PCDHGB3: variants seen among roughly 807,000 people sequenced by gnomAD.
PCDHGB3 encodes the protein protocadherin gamma subfamily B, 3.
In PCDHGB3, 40 loss-of-function variants were observed where a neutral mutation model predicts 59.2. The observed-to-expected ratio is 0.68, with a 90% CI of 0.52 to 0.88. The LOEUF (loss-of-function observed/expected upper bound fraction) is 0.88. PCDHGB3 is among the 40% of genes least tolerant of loss of function. The probability of loss-of-function intolerance (pLI) is 0.00; values close to 1 mark genes in which losing one functional copy is unlikely to be tolerated. For missense variants in PCDHGB3, 1,309 were observed against 1,187.9 expected (o/e 1.10, Z -1.50); for synonymous variants, 581 against 503.6 (o/e 1.15, Z -2.06).
chr5:141,423,236 C>G, intron 1 of PCDHGB3: 1 of 1,613,920 alleles, frequency 6.2e-7, no homozygotes, highest in Non-Finnish European at 8.5e-7. Flanking sequence ...GACAGCATCC[C>G]CGAAGTCCTG....
chr5:141,390,144 G>A, intron 1 of PCDHGB3: 1 of 1,614,036 alleles, frequency 6.2e-7, no homozygotes, highest in South Asian at 1.1e-5. Context: ...CAATCTATGT[G>A]TTGCACATAC....
chr5:141,382,789 T>A, intron 1 of PCDHGB3: 1 of 924,650 alleles, frequency 1.1e-6, no homozygotes, highest in Non-Finnish European at 1.6e-6. Flanking sequence ...CAAGCCTCTA[T>A]CCTGCTGGAT....
At chr5:141,465,504 G>T (rs2099104593) in intron 1 of PCDHGB3, among the ~76,000 whole-genome samples, 2 of 152,152 alleles carry the variant, frequency 1.3e-5, no homozygotes. Context: ...GCATTGTCGT[G>T]GTCAGGAAGG....
rs754268147 is a variant in PCDHGB3, at chr5:141,410,352, G to C, written c.2415+37543G>C. ...CTGGCCATTGCCTTGCGCCTGCGAC[G>C]CTCTCTCAGCCCTGCTACTTGGGAC... On this transcript the variant is annotated intron_variant, in intron 1 of 3. Coordinates refer to ENST00000576222, the MANE Select transcript of PCDHGB3 (RefSeq NM_018924.5). The C allele has an allele frequency of 6.2e-6, 10 of 1,614,022 alleles. No homozygotes were observed. In the South Asian group the frequency reaches 1.1e-4, roughly 18 times the overall value.
rs61612330 is a variant in PCDHGB3, at chr5:141,454,796, A to ATTTTTTTTTTTTTTTTT, written c.2416-39998_2416-39982dup. Among the ~76,000 whole-genome samples the ATTTTTTTTTTTTTTTTT allele has an allele frequency of 1.9e-3, 147 of 77,454 alleles. 11 individuals carry two copies. Among genetic ancestry groups the ATTTTTTTTTTTTTTTTT allele is most frequent in the Middle Eastern group, 0.017 (2 of 120 alleles). 50.8% of individuals were successfully genotyped at this position (77,454 alleles called of 152,430 possible). ...AAGGAAATAATCCTCCATGGTTCTA[A>ATTTTTTTTTTTTTTTTT]TTTTTTTTTTTTTTTTTTTTTTTTT... On this transcript the variant is annotated intron_variant, in intron 1 of 3. Coordinates refer to ENST00000576222, the MANE Select transcript of PCDHGB3 (RefSeq NM_018924.5).
chr5:141,422,061 A>G (rs1215523341), intron 1 of PCDHGB3: 3 of 1,612,074 alleles, frequency 1.9e-6, no homozygotes, highest in Non-Finnish European at 2.5e-6. Flanking sequence ...ACGGGGAAGT[A>G]ATGTATTCAT....
intron 1 of PCDHGB3, among the ~76,000 whole-genome samples, chr5:141,482,188 G>C (rs1178289472): frequency 2.6e-5 from 4 of 152,122 alleles, no homozygotes; most frequent in African/African-American, 9.7e-5. Context: ...CGATGCTCCA[G>C]TTCTAGTAAA....
At chr5:141,394,584 G>A in intron 1 of PCDHGB3, 1 of 1,613,902 alleles carries the variant, frequency 6.2e-7, no homozygotes. Context: ...GGTGACCAAG[G>A]TGGTGGCGGT....
chr5:141,432,575 T>TACC lies in PCDHGB3; in HGVS notation c.2415+59767_2415+59769dup, dbSNP rs1044250629. 6.2e-7 allele frequency: 1 copy of TACC among 1,613,326 alleles called. No individual in the cohort carries two copies. The highest frequency in any genetic ancestry group is 1.3e-5 in the African/African-American group (1 of 74,718). ...CTCCGGCCAGAACGCCTGGCTGTCC[T>TACC]ACCGTCTGCTCAAGGCCAGCGAGCC... On this transcript the variant is annotated intron_variant, in intron 1 of 3. Transcript: ENST00000576222. This position sits in a 1 kb window ranked among gnomAD's most constrained non-coding sequence, Gnocchi z 6.0.
At chr5:141,406,011 G>A (rs1380278745) in intron 1 of PCDHGB3, among the ~76,000 whole-genome samples, 7 of 151,702 alleles carry the variant, frequency 4.6e-5, no homozygotes, top group African/African-American at 1.7e-4. Context: ...CATTGATGTG[G>A]GCTTTTTGGG....
chr5:141,430,534 C>CT (rs962032641), intron 1 of PCDHGB3: 2 of 381,726 alleles, frequency 5.2e-6, no homozygotes, highest in Non-Finnish European at 9.2e-6. Context: ...GGTTAGGACT[C>CT]TGAGCGCCGC....
intron 1 of PCDHGB3, among the ~76,000 whole-genome samples, chr5:141,468,824 C>A (rs1288506117): frequency 6.6e-6 from 1 of 152,010 alleles, no homozygotes; most frequent in Non-Finnish European, 1.5e-5. Flanking sequence ...CAAGATCAAG[C>A]CACTGCACTC....
At chr5:141,426,621 C>G (rs984316174) in intron 1 of PCDHGB3, 1 of 392,280 alleles carries the variant, frequency 2.5e-6, no homozygotes, top group Non-Finnish European at 5.2e-6. Flanking sequence ...AGAGAATCCT[C>G]TAAATGTTTT....
chr5:141,486,379 G>A lies in PCDHGB3; in HGVS notation c.2416-8428G>A. 2 of 1,614,094 alleles carry A rather than the reference G, an allele frequency of 1.2e-6. No individual in the cohort carries two copies. Among genetic ancestry groups the A allele is most frequent in the Non-Finnish European group, 1.7e-6 (2 of 1,180,000 alleles). ...CATTTGCCCTCAAGTCTGCCTTCAG[G>A]AACCAGTTCTCCCTGGTGACTGCTG... On this transcript the variant is annotated intron_variant, in intron 1 of 3. Transcript: ENST00000576222. The surrounding 1 kb of genome is among the most constrained non-coding windows in gnomAD (Gnocchi z 5.0).
At chr5:141,388,332 A>G in intron 1 of PCDHGB3, 1 of 1,614,002 alleles carries the variant, frequency 6.2e-7, no homozygotes. Flanking sequence ...ACAGCCTGGC[A>G]CACGATTTAT....
chr5:141,428,199 C>T (rs760718878), intron 1 of PCDHGB3: 28 of 1,364,510 alleles, frequency 2.1e-5, no homozygotes, highest in Non-Finnish European at 2.9e-5. Flanking sequence ...CTCTCTGCGC[C>T]GCTACGCTTC....
At chr5:141,481,216 G>T (rs2099534005) in intron 1 of PCDHGB3, among the ~76,000 whole-genome samples, 3 of 152,110 alleles carry the variant, frequency 2.0e-5, no homozygotes, top group Admixed American at 6.5e-5. Flanking sequence ...ACATGGTAAG[G>T]TCTCCCAGCC....
At position 141,403,569 on chromosome 5, in the gene PCDHGB3, C is replaced by A. The variant is rs1206497487; in HGVS notation, c.2415+30760C>A. On this transcript the variant is annotated intron_variant, in intron 1 of 3. Transcript: ENST00000576222. The stretch of plus-strand genomic sequence containing the variant: ...CGCGCCCTGGACAGGGAGGAGGCAA[C>A]TGCCCACCACCTGGTCCTCACGGCC... The A allele has an allele frequency of 5.6e-6, 9 of 1,613,828 alleles. No homozygotes were observed. The Admixed American group carries it at 6.7e-5, about 12-fold the overall frequency.
intron 1 of PCDHGB3, among the ~76,000 whole-genome samples, chr5:141,481,426 A>T (rs1431602618): frequency 6.6e-6 from 1 of 152,238 alleles, no homozygotes; most frequent in Non-Finnish European, 1.5e-5. Context: ...TGTGATGATG[A>T]TTGTATCAGT....
Sources: gnomAD v4.1 joint callset for allele counts (sites outside exome capture counted in the v4.1 genomes callset) on GRCh38, gnomAD v4.1.1 for gene constraint, Gnocchi (gnomAD v3.1) non-coding constraint, MANE v1.5 for transcripts, NCBI Gene and HGNC (gene_info 2026-07-23, HGNC 2026-07-21) for gene names.